The following NAV2 variants were observed in gnomAD, a reference collection of about 807,000 sequenced individuals.
NAV2 encodes the protein helicase, APC down-regulated 1.
NAV2 carries 54 observed loss-of-function variants against 223.2 expected under a neutral mutation model. The observed-to-expected ratio is 0.24, with a 90% confidence interval of 0.19 to 0.30. The LOEUF is 0.30. Ranked by LOEUF, NAV2 falls within the 10% of genes least tolerant of loss-of-function variation. The pLI is 1.00. For synonymous variants in NAV2, 1,279 were observed against 1,239.3 expected, an observed-to-expected ratio of 1.03 and a Z score of -0.67; for missense variants, 2,806 against 3,147.5, an observed-to-expected ratio of 0.89 and a Z score of 2.60.
At chr11:19,899,275 C>G (rs991299257) in intron 6 of NAV2, among the ~76,000 whole-genome samples, 4 of 152,156 alleles carry the variant, frequency 2.6e-5, no homozygotes, top group Non-Finnish European at 5.9e-5. Context: ...TATGTCATGT[C>G]TGAGTAACTT....
At chr11:19,734,164 A>G (rs145347089) in intron 1 of NAV2, among the ~76,000 whole-genome samples, 5 of 152,332 alleles carry the variant, frequency 3.3e-5, no homozygotes, top group African/African-American at 7.2e-5. Flanking sequence ...AGAGTCTACA[A>G]TGAATTCAAG....
rs763902949 is a variant in NAV2, at chr11:20,048,991, G to A, written c.4166G>A (p.Ser1389Asn). 10 of 1,614,130 alleles carry A rather than the reference G, an allele frequency of 6.2e-6. No individual in the cohort carries two copies. The South Asian group carries it at 1.1e-4, about 18-fold the overall frequency. The change falls in exon 15 of 38, where the codon AGC becomes AAC. Residue 1389 changes from serine to asparagine, a missense_variant. Ser to Asn is a conservative substitution (Grantham distance 46). Transcript: ENST00000349880. ...SNSLTWGTNASSSSAVSKDGL... is the reference protein window; with the variant it reads ...SNSLTWGTNANSSSAVSKDGL... Reference sequence around the variant, plus strand: ...AGCCTCACCTGGGGCACCAACGCCAGCAGCTCCTCCGCAGTTAGCAAGGAT... The same window carrying A: ...AGCCTCACCTGGGGCACCAACGCCAACAGCTCCTCCGCAGTTAGCAAGGAT...
chr11:19,643,154 G>C (rs1301942818), intron 1 of NAV2, among the ~76,000 whole-genome samples: 4 of 152,052 alleles, frequency 2.6e-5, no homozygotes, highest in Admixed American at 6.5e-5. Flanking sequence ...GGATGTATTT[G>C]CTCTTCTTTT....
chr11:19,437,291 A>G (rs1851248153), intron 1 of NAV2, among the ~76,000 whole-genome samples: 1 of 151,920 alleles, frequency 6.6e-6, no homozygotes, highest in Non-Finnish European at 1.5e-5. Context: ...TCAACTCAAA[A>G]CCCACTATCT....
intron 11 of NAV2, among the ~76,000 whole-genome samples, chr11:20,033,219 A>G (rs1833762802): frequency 6.6e-6 from 1 of 152,372 alleles, no homozygotes; most frequent in East Asian, 1.9e-4. Flanking sequence ...CCTTGCAGGT[A>G]TGATATGAGG....
At chr11:19,703,427 A>G (rs983694117) in intron 1 of NAV2, among the ~76,000 whole-genome samples, 4 of 152,170 alleles carry the variant, frequency 2.6e-5, no homozygotes, top group Non-Finnish European at 5.9e-5. Flanking sequence ...AAAAGAGGAA[A>G]TGTGTTGAGA....
intron 1 of NAV2, among the ~76,000 whole-genome samples, chr11:19,496,002 C>T (rs1264191876): frequency 6.6e-6 from 1 of 152,128 alleles, no homozygotes; most frequent in Non-Finnish European, 1.5e-5. Flanking sequence ...TCCCTTCTGA[C>T]ACAGTGGATA....
chr11:19,818,984 T>C (rs1451805029), intron 1 of NAV2, among the ~76,000 whole-genome samples: 6 of 152,156 alleles, frequency 3.9e-5, no homozygotes, highest in Non-Finnish European at 8.8e-5. Flanking sequence ...CTTCCATCCA[T>C]CTGAACATTC....
chr11:20,062,040 T>C (rs2058741048), intron 19 of NAV2, among the ~76,000 whole-genome samples: 1 of 152,214 alleles, frequency 6.6e-6, no homozygotes, highest in Non-Finnish European at 1.5e-5. Context: ...ACATTTTTGT[T>C]CAGTAATCAT....
intron 1 of NAV2, among the ~76,000 whole-genome samples, chr11:19,425,185 T>C (rs2056678234): frequency 6.6e-6 from 1 of 152,194 alleles, no homozygotes; most frequent in East Asian, 1.9e-4. Flanking sequence ...AGATTGTTTA[T>C]AGAAAAAGGT....
chr11:19,620,276 GT>G (rs1226184953), intron 1 of NAV2, among the ~76,000 whole-genome samples: 1 of 152,168 alleles, frequency 6.6e-6, no homozygotes, highest in Non-Finnish European at 1.5e-5. Context: ...CTTTAAAGTA[GT>G]TTTTTCCAAT....
At chr11:20,015,943 C>T (rs1046381290) in intron 11 of NAV2, among the ~76,000 whole-genome samples, 7 of 152,280 alleles carry the variant, frequency 4.6e-5, no homozygotes, top group African/African-American at 7.2e-5. Flanking sequence ...TGCCGTGTCA[C>T]GGAAATCAAA....
At position 20,100,950 on chromosome 11, in the gene NAV2, C is replaced by T; in HGVS notation, c.6195C>T (p.Asn2065=). The T allele has an allele frequency of 6.2e-7, 1 of 1,614,028 alleles. No individual in the cohort carries two copies. The highest frequency in any genetic ancestry group is 1.3e-5 in the African/African-American group (1 of 75,006). ...ISVTVKGLAE[N]SLDSLVFESL... ...TCTCAAATGCAGGGCTCGCAGAAAA[C>T]AGCCTGGACTCACTGGTGTTTGAGT... Residue 2065 remains asparagine, a synonymous_variant, in exon 32 of 38, where the codon AAC becomes AAT. Transcript: ENST00000349880.
rs1267903202 is a variant in NAV2 at position 19,818,317 on chromosome 11, GA to G, written c.268-14163del. Among the ~76,000 whole-genome samples, 3 of 132,172 alleles carry G rather than the reference GA, an allele frequency of 2.3e-5. No homozygotes were observed. In the Admixed American group the frequency reaches 2.6e-4, roughly 12 times the overall value. 86.7% of individuals were successfully genotyped at this position (132,172 alleles called of 152,430 possible). On this transcript the variant is annotated intron_variant, in intron 1 of 37. Transcript: ENST00000349880. Reference sequence around the variant, plus strand: ...CGTTTAACAGTTGGCTCTCCAAGGAGAAAAGCCTGATAGGTAGTACTTGCCA... The same window carrying G: ...CGTTTAACAGTTGGCTCTCCAAGGAGAAAGCCTGATAGGTAGTACTTGCCA...
chr11:19,997,726 C>A (rs2052051156), intron 11 of NAV2, among the ~76,000 whole-genome samples: 1 of 152,140 alleles, frequency 6.6e-6, no homozygotes, highest in South Asian at 2.1e-4. Context: ...AGTGTTATAT[C>A]AGAGACACCA....
At chr11:19,546,586 C>A (rs1438741511) in intron 1 of NAV2, among the ~76,000 whole-genome samples, 1 of 152,200 alleles carries the variant, frequency 6.6e-6, no homozygotes, top group Non-Finnish European at 1.5e-5. Flanking sequence ...CCACGGCAAC[C>A]ACCCTCTGAT....
At chr11:19,596,066 C>T (rs1229228602) in intron 1 of NAV2, among the ~76,000 whole-genome samples, 1 of 152,196 alleles carries the variant, frequency 6.6e-6, no homozygotes, top group African/African-American at 2.4e-5. Flanking sequence ...TAGTCACCCA[C>T]TAAATTGTTT....
intron 6 of NAV2, among the ~76,000 whole-genome samples, chr11:19,899,674 A>T (rs890845601): frequency 6.6e-6 from 1 of 152,200 alleles, no homozygotes; most frequent in Non-Finnish European, 1.5e-5. Context: ...GAGAGGCTCA[A>T]AGTTGTGAGG....
intron 2 of NAV2, among the ~76,000 whole-genome samples, chr11:19,835,042 C>A (rs1024294376): frequency 1.3e-5 from 2 of 152,182 alleles, no homozygotes; most frequent in Non-Finnish European, 2.9e-5. Flanking sequence ...CTGCCTTGGG[C>A]TCAGAAGAGG....
Sources: allele counts gnomAD v4.1 joint callset (sites outside exome capture counted in the v4.1 genomes callset), GRCh38; gene constraint gnomAD v4.1.1; transcripts MANE v1.5; gene names NCBI Gene and HGNC (gene_info 2026-07-23, HGNC 2026-07-21).